TMEM236: variants seen among roughly 807,000 people sequenced by gnomAD.
TMEM236 encodes family with sequence similarity 23, member A.
TMEM236 carries 11 observed loss-of-function variants against 14.7 expected under a neutral mutation model. That is an observed-to-expected ratio of 0.75 (90% CI 0.47 to 1.24). The LOEUF (loss-of-function observed/expected upper bound fraction) is 1.24. Ranked by LOEUF, TMEM236 falls within the 50% of genes most tolerant of loss-of-function variation. The probability of loss-of-function intolerance (pLI) is 0.00; values close to 1 mark genes in which losing one functional copy is unlikely to be tolerated. For synonymous variants in TMEM236, 182 were observed against 168.6 expected, an observed-to-expected ratio of 1.08 and a Z score of -0.62; for missense variants, 464 against 427.3, an observed-to-expected ratio of 1.09 and a Z score of -0.76.
chr10:17,779,613 G>A (rs1279417700), intron 3 of TMEM236, among the ~76,000 whole-genome samples: 4 of 152,098 alleles, frequency 2.6e-5, no homozygotes, highest in Non-Finnish European at 5.9e-5. Flanking sequence ...GTTTCACCCT[G>A]TTGGCCAGGC....
At chr10:17,771,836 G>A (rs1016442248) in intron 2 of TMEM236, among the ~76,000 whole-genome samples, 3 of 152,128 alleles carry the variant, frequency 2.0e-5, no homozygotes, top group African/African-American at 7.2e-5. Flanking sequence ...TTTATGTTTT[G>A]ACTAAATATA....
At chr10:17,761,710 A>AC (rs1437017360) in intron 1 of TMEM236, among the ~76,000 whole-genome samples, 2 of 151,214 alleles carry the variant, frequency 1.3e-5, no homozygotes, top group African/African-American at 4.9e-5. Flanking sequence ...AAAAAAAAAA[A>AC]AGAAAAGGAA....
intron 1 of TMEM236, among the ~76,000 whole-genome samples, chr10:17,755,650 C>T (rs1837274237): frequency 6.6e-6 from 1 of 152,182 alleles, no homozygotes; most frequent in Admixed American, 6.5e-5. Flanking sequence ...CCACCTCTCA[C>T]ACCCTGTAGG....
At chr10:17,762,492 A>G (rs915167549) in intron 1 of TMEM236, among the ~76,000 whole-genome samples, 1 of 150,110 alleles carries the variant, frequency 6.7e-6, no homozygotes, top group African/African-American at 2.4e-5. Flanking sequence ...TAGTTTTACT[A>G]GAAATCCTCT....
At chr10:17,763,208 T>G (rs1273199140) in intron 1 of TMEM236, among the ~76,000 whole-genome samples, 3 of 152,100 alleles carry the variant, frequency 2.0e-5, no homozygotes, top group African/African-American at 7.2e-5. Flanking sequence ...GGGCACAGAC[T>G]TGGTAGGCTG....
At position 17,798,606 on chromosome 10, in the gene TMEM236, C is replaced by G; in HGVS notation, c.*2102C>G. 1 of 534,138 alleles carries G rather than the reference C, an allele frequency of 1.9e-6. No homozygotes were observed. Among genetic ancestry groups the G allele is most frequent in the Non-Finnish European group, 3.8e-6 (1 of 259,776 alleles). 33.1% of individuals were successfully genotyped at this position (534,138 alleles called of 1,614,324 possible). On this transcript the variant is annotated 3_prime_UTR_variant, in exon 4 of 4. Transcript: ENST00000377495. ...ACCAAATACCTCTCCCCTTGCCACC[C>G]TGTCTCCCTTTCCCTCTGTTTTAGG... is the stretch of plus-strand genomic sequence containing the variant.
rs1838020383 is a variant in TMEM236, at chr10:17,796,654, G to T, written c.*150G>T. On this transcript the variant is annotated 3_prime_UTR_variant, in exon 4 of 4. Transcript: ENST00000377495. ...CATTTTTACTAACTCTAGCATATCA[G>T]TTTTTTTTTTTACATATACAAATGG... 2.3e-5 allele frequency: 13 copies of T among 565,924 alleles called. No homozygotes were observed. Among genetic ancestry groups the T allele is most frequent in the East Asian group, 6.3e-5 (2 of 31,624 alleles). The allele number at this position is 565,924 out of a possible 1,614,324, so 35.1% of individuals were successfully genotyped here.
At chr10:17,779,597 G>C (rs1333661506) in intron 3 of TMEM236, among the ~76,000 whole-genome samples, 1 of 152,106 alleles carries the variant, frequency 6.6e-6, no homozygotes, top group Admixed American at 6.5e-5. Context: ...TTTTAGTAGA[G>C]ATGGGGTTTC....
intron 3 of TMEM236, among the ~76,000 whole-genome samples, chr10:17,779,235 T>G (rs1012327087): frequency 0.047 from 7,224 of 152,124 alleles, 584 homozygotes; most frequent in African/African-American, 0.16. Context: ...TACGGAGAGA[T>G]AGATAGGTTG....
intron 1 of TMEM236, among the ~76,000 whole-genome samples, chr10:17,757,346 C>G (rs1408959064): frequency 2.0e-5 from 3 of 151,970 alleles, no homozygotes; most frequent in East Asian, 1.9e-4. Flanking sequence ...GCCTGTAATC[C>G]CAAGACTTTG....
chr10:17,766,870 T>C (rs1487808100), intron 1 of TMEM236, among the ~76,000 whole-genome samples: 13 of 151,994 alleles, frequency 8.6e-5, no homozygotes, highest in Admixed American at 6.6e-5. Context: ...TTTTTGGCAA[T>C]CTTTGATGTT....
At chr10:17,775,840 T>A (rs1837650487) in intron 2 of TMEM236, among the ~76,000 whole-genome samples, 189 bp from the exon 3 acceptor site, 1 of 152,194 alleles carries the variant, frequency 6.6e-6, no homozygotes, top group African/African-American at 2.4e-5. Flanking sequence ...TTGATATGAG[T>A]CCTTATGACA....
intron 3 of TMEM236, among the ~76,000 whole-genome samples, chr10:17,778,570 G>T (rs1837695445): frequency 6.6e-6 from 1 of 152,156 alleles, no homozygotes; most frequent in Non-Finnish European, 1.5e-5. Flanking sequence ...ACTAGAGGCG[G>T]GGGATGAACA....
At chr10:17,794,707 C>T (rs1837982396) in intron 3 of TMEM236, among the ~76,000 whole-genome samples, 2 of 152,164 alleles carry the variant, frequency 1.3e-5, no homozygotes, top group Admixed American at 6.5e-5. Context: ...TTGGATTCAG[C>T]ATGTCACTCT....
chr10:17,765,554 C>G (rs1837449095), intron 1 of TMEM236, among the ~76,000 whole-genome samples: 3 of 152,206 alleles, frequency 2.0e-5, no homozygotes, highest in Non-Finnish European at 4.4e-5. Context: ...CAAAAAGTTA[C>G]TTGCTTCCCA....
chr10:17,771,191 A>G, intron 1 of TMEM236, 118 bp from the exon 2 acceptor site: 2 of 918,602 alleles, frequency 2.2e-6, no homozygotes, highest in South Asian at 2.7e-5. Flanking sequence ...ATAGGGAAGC[A>G]GCAGCTTCTT....
chr10:17,797,168 C>A lies in TMEM236; in HGVS notation c.*664C>A, dbSNP rs933024863. ...CGGAGCCCTTTAAAAAACTAAGAAC[C>A]TTTTCCATCAAGTTAGCCCAAGAAT... On this transcript the variant is annotated 3_prime_UTR_variant, in exon 4 of 4. Coordinates refer to ENST00000377495, the MANE Select transcript of TMEM236 (RefSeq NM_001098844.3). 1 of 152,462 alleles carries A rather than the reference C, an allele frequency of 6.6e-6. No homozygotes were observed. The highest frequency in any genetic ancestry group is 2.4e-5 in the African/African-American group (1 of 41,532). 9.4% of individuals were successfully genotyped at this position (152,462 alleles called of 1,614,324 possible). A position where few individuals can be genotyped will look rare whatever the true frequency, so the allele number is the denominator to read the frequency against.
At chr10:17,763,855 T>A (rs1837416614) in intron 1 of TMEM236, among the ~76,000 whole-genome samples, 1 of 152,168 alleles carries the variant, frequency 6.6e-6, no homozygotes, top group Non-Finnish European at 1.5e-5. Flanking sequence ...GAATTCATCT[T>A]TCACTTCCCA....
Position 17,796,134 on chromosome 10 carries a change from C to A in TMEM236, c.686C>A (p.Ser229Tyr), listed in dbSNP as rs887747640. The A allele has an allele frequency of 2.5e-6, 4 of 1,613,800 alleles. No individual in the cohort carries two copies. Among genetic ancestry groups the A allele is most frequent in the Non-Finnish European group, 3.4e-6 (4 of 1,179,868 alleles). Residue 229 changes from serine (S) to tyrosine (Y), a missense_variant, in exon 4 of 4, where the codon TCC (serine) becomes TAC (tyrosine). Coordinates refer to ENST00000377495, the MANE Select transcript of TMEM236 (RefSeq NM_001098844.3). ...SCDSGILRMM[S>Y]RRDVRAELFL... ...GACTCCGGAATCCTGAGAATGATGT[C>A]CCGGCGAGATGTCCGGGCAGAGTTA...
Sources: gnomAD v4.1 joint callset for allele counts (sites outside exome capture counted in the v4.1 genomes callset) on GRCh38, gnomAD v4.1.1 for gene constraint, MANE v1.5 for transcripts, NCBI Gene and HGNC (gene_info 2026-07-23, HGNC 2026-07-21) for gene names.